Variants in PALD1 observed in about 807,000 individuals in gnomAD.
The protein encoded by PALD1 is phosphatase domain containing paladin 1, also known as paladin.
A neutral mutation model predicts 96.0 loss-of-function variants in PALD1; 57 were observed. That is an observed-to-expected ratio of 0.59 (90% confidence interval 0.48 to 0.74). The LOEUF (loss-of-function observed/expected upper bound fraction) is 0.74. Among genes scored for constraint, PALD1 ranks in the 30% least tolerant of loss-of-function variants. The pLI is 0.00. For missense variants in PALD1, 1,063 were observed against 1,143.7 expected, an observed-to-expected ratio of 0.93 and a Z score of 1.02; for synonymous variants, 464 against 473.6, an observed-to-expected ratio of 0.98 and a Z score of 0.26.
chr10:70,565,382 C>G (rs1294973002), intron 19 of PALD1, among the ~76,000 whole-genome samples: 2 of 152,204 alleles, frequency 1.3e-5, no homozygotes, highest in African/African-American at 2.4e-5. Flanking sequence ...GCCTCCTTCC[C>G]TCCTTGGCAA....
intron 1 of PALD1, among the ~76,000 whole-genome samples, chr10:70,506,556 C>T (rs889410724): frequency 1.3e-5 from 2 of 152,176 alleles, no homozygotes; most frequent in Non-Finnish European, 2.9e-5. Flanking sequence ...TTTCCCCCAA[C>T]TAACCTGAGT....
At position 70,538,388 on chromosome 10, in the gene PALD1, C is replaced by T; in HGVS notation, c.1432C>T (p.Leu478Phe). The change falls in exon 12 of 20, where the codon CTC becomes TTC. Residue 478 changes from leucine (L) to phenylalanine (F), a missense_variant. Physicochemically the swap from Leu to Phe is conservative, Grantham distance 22 (BLOSUM62 0). Transcript: ENST00000263563. ...AGCAGGCCCTGTGGCTCCGAGGGAC[C>T]TCATCGCCAGGGGCTCCCTAGTGAG... is the stretch of plus-strand genomic sequence containing the variant. ...SSAGPVAPRD[L>F]IARGSLREDD... 1 of 1,611,844 alleles carries T rather than the reference C, an allele frequency of 6.2e-7. No individual in the cohort carries two copies. Among genetic ancestry groups the T allele is most frequent in the Non-Finnish European group, 8.5e-7 (1 of 1,179,984 alleles).
chr10:70,486,165 A>T, intron 1 of PALD1: 1 of 191,034 alleles, frequency 5.2e-6, no homozygotes. Context: ...GGTTCTCTTC[A>T]ATGGCCAGTT....
At chr10:70,530,350 G>A (rs1315842819) in intron 4 of PALD1, among the ~76,000 whole-genome samples, 1 of 152,206 alleles carries the variant, frequency 6.6e-6, no homozygotes, top group Non-Finnish European at 1.5e-5. Context: ...GGGCGTGACC[G>A]GGTGACAGGA....
At chr10:70,507,750 C>CGTGT (rs10579511) in intron 1 of PALD1, among the ~76,000 whole-genome samples, 18,911 of 148,332 alleles carry the variant, frequency 0.13, 1,310 homozygotes, top group Non-Finnish European at 0.16. Context: ...TTTGTGTGTG[C>CGTGT]GTGTGTGTGT....
chr10:70,501,813 C>CTGTGTGTGTGTGTGTGTGTGTG (rs71012209), intron 1 of PALD1, among the ~76,000 whole-genome samples: 12,686 of 139,014 alleles, frequency 0.091, 739 homozygotes, highest in Middle Eastern at 0.13. Context: ...CATTTTTACT[C>CTGTGTGTGTGTGTGTGTGTGTG]TGTGTGTGTG....
intron 18 of PALD1, among the ~76,000 whole-genome samples, chr10:70,553,505 A>G (rs1271582606): frequency 6.6e-6 from 1 of 152,182 alleles, no homozygotes; most frequent in African/African-American, 2.4e-5. Context: ...ACATGTCCTG[A>G]CATCTCCTTA....
chr10:70,495,209 C>T (rs867074776), intron 1 of PALD1, among the ~76,000 whole-genome samples: 7 of 152,244 alleles, frequency 4.6e-5, no homozygotes, highest in South Asian at 4.1e-4. Flanking sequence ...ATAGGCCTTC[C>T]GTGACTGTCA....
chr10:70,469,248 TAA>T, the PALD1 span, among the ~76,000 whole-genome samples: 1 of 152,176 alleles, frequency 6.6e-6, no homozygotes, highest in African/African-American at 2.4e-5. Flanking sequence ...ACCGTGGCCT[TAA>T]ACCCTCCGAG....
At chr10:70,466,239 A>G in the PALD1 span, among the ~76,000 whole-genome samples, 1 of 151,728 alleles carries the variant, frequency 6.6e-6, no homozygotes, top group Admixed American at 6.6e-5. Context: ...GAAGTTTGCC[A>G]TTTTAACCTT....
At chr10:70,462,336 G>A in the PALD1 span, among the ~76,000 whole-genome samples, 3 of 152,232 alleles carry the variant, frequency 2.0e-5, no homozygotes, top group Non-Finnish European at 2.9e-5. Flanking sequence ...AGGCTTAGGC[G>A]AGTTTCTTAA....
chr10:70,555,376 A>C (rs1231851732), intron 18 of PALD1, among the ~76,000 whole-genome samples: 1 of 152,154 alleles, frequency 6.6e-6, no homozygotes, highest in Non-Finnish European at 1.5e-5. Flanking sequence ...CTGAGAAGAA[A>C]CTGAGGCCTA....
At chr10:70,515,503 C>T (rs542256937) in intron 1 of PALD1, among the ~76,000 whole-genome samples, 12 of 152,364 alleles carry the variant, frequency 7.9e-5, no homozygotes, top group African/African-American at 2.4e-4. Context: ...TCACAGATGG[C>T]GCCTGGGCGA....
rs957851524 is a variant in PALD1, at chr10:70,479,015, C to G, written c.-74C>G. 1.3e-5 allele frequency: 2 copies of G among 152,042 alleles called. No individual in the cohort carries two copies. Among genetic ancestry groups the G allele is most frequent in the African/African-American group, 2.4e-5 (1 of 41,324 alleles). The allele number at this position is 152,042 out of a possible 1,614,324, so 9.4% of individuals were successfully genotyped here. ...GCGCCCGCAGTTCGGGCGCAGCACG[C>G]CGGCCGCAGGAGCACGGATGCCCCC... On this transcript the variant is annotated 5_prime_UTR_variant, in exon 1 of 20. Transcript: ENST00000263563.
At chr10:70,557,930 C>CTTTTTATTTT (rs1847643923) in intron 18 of PALD1, among the ~76,000 whole-genome samples, 1 of 92,882 alleles carries the variant, frequency 1.1e-5, no homozygotes, top group African/African-American at 4.0e-5. Flanking sequence ...TTGGCTCTTC[C>CTTTTTATTTT]TTTTTTTTTT....
In PALD1 at chr10:70,501,834, T is replaced by TGTGTGTGTGTGTGC. The variant is rs774868338; in HGVS notation, c.-30+22776_-30+22777insTGTGTGTGTGTGCG. ...TACTCTGTGTGTGTGTGTGTGTGTG[T>TGTGTGTGTGTGTGC]GCGTGCGTGCATGCATACCTGTGTT... On this transcript the variant is annotated intron_variant, in intron 1 of 19. Transcript: ENST00000263563. 5.3e-3 allele frequency among the ~76,000 whole-genome samples: 790 copies of TGTGTGTGTGTGTGC among 149,480 alleles called. 7 individuals are homozygous for TGTGTGTGTGTGTGC. Among genetic ancestry groups the TGTGTGTGTGTGTGC allele is most frequent in the African/African-American group, 0.016 (662 of 40,660 alleles).
intron 18 of PALD1, among the ~76,000 whole-genome samples, chr10:70,548,150 CA>C (rs1184167332): frequency 6.6e-6 from 1 of 151,980 alleles, no homozygotes; most frequent in Non-Finnish European, 1.5e-5. Context: ...TACTGAAATA[CA>C]AAAATTAGCC....
rs1441215679 is a variant in PALD1, at chr10:70,526,117, G to A, written c.166G>A (p.Val56Met). ...GGCCAAGTCCATCATCCCCAACAAG[G>A]TGGCCCCTGTTGTGATCACGTGAGT... The part of the protein sequence containing the change: ...SKAKSIIPNK[V>M]APVVITYNCK... The change falls in exon 2 of 20, where the codon GTG becomes ATG. Residue 56 changes from valine (V) to methionine (M), a missense_variant. Transcript: ENST00000263563. The A allele has an allele frequency of 6.2e-7, 1 of 1,614,172 alleles. No homozygotes were observed. Among genetic ancestry groups the A allele is most frequent in the Non-Finnish European group, 8.5e-7 (1 of 1,180,012 alleles).
At chr10:70,512,141 G>A (rs1195291440) in intron 1 of PALD1, among the ~76,000 whole-genome samples, 5 of 152,214 alleles carry the variant, frequency 3.3e-5, no homozygotes, top group Admixed American at 1.3e-4. Flanking sequence ...TCCAACATGA[G>A]TTTTGGAGGG....
Sources: allele counts gnomAD v4.1 joint callset (sites outside exome capture counted in the v4.1 genomes callset), GRCh38; gene constraint gnomAD v4.1.1; transcripts MANE v1.5; gene names NCBI Gene and HGNC (gene_info 2026-07-23, HGNC 2026-07-21).